Variants in GIMD1 observed in about 807,000 individuals in gnomAD.
GIMD1 encodes the protein GTPase IMAP family member GIMD1.
A neutral mutation model predicts 14.9 loss-of-function variants in GIMD1; 14 were observed. The ratio of observed to expected loss-of-function variants is 0.94; its 90% confidence interval spans 0.62 to 1.47. The LOEUF (loss-of-function observed/expected upper bound fraction) is 1.47, where lower values mean the gene tolerates loss of function less well. GIMD1 is among the 40% of genes most tolerant of loss of function. GIMD1 has a pLI of 0.00. For synonymous variants in GIMD1, 91 were observed against 90.5 expected, an observed-to-expected ratio of 1.01 and a Z score of -0.03; for missense variants, 272 against 255.3, an observed-to-expected ratio of 1.07 and a Z score of -0.44.
chr4:106,358,552 G>A (rs2125933344), intron 2 of GIMD1, 109 bp from the exon 3 acceptor site: 1 of 789,042 alleles, frequency 1.3e-6, no homozygotes, highest in Non-Finnish European at 1.9e-6. Context: ...ATATTATTAT[G>A]TTTCTGAAAG....
intron 2 of GIMD1, among the ~76,000 whole-genome samples, chr4:106,364,461 G>C (rs183317074): frequency 6.6e-6 from 1 of 152,294 alleles, no homozygotes; most frequent in East Asian, 1.9e-4. Context: ...TGCTGGTCCT[G>C]TTGAATATTC....
Position 106,367,215 on chromosome 4 carries a change from T to C in GIMD1, c.221A>G (p.Asp74Gly), listed in dbSNP as rs1041806939. The change falls in exon 2 of 3, where the codon GAC (aspartate) becomes GGC (glycine). Residue 74 changes from aspartate (D) to glycine (G), a missense_variant. By Grantham distance (94) the Asp-to-Gly change is moderately conservative. Coordinates refer to ENST00000638719, the MANE Select transcript of GIMD1 (RefSeq NM_001195138.2). The part of the protein sequence containing the change: ...LEVALQVQVL[D>G]TPGYPHSRLS... ...CCTGCTGTGTGGATAACCTGGAGTG[T>C]CCAACACCTGGACCTGCAGGGCTAC... is the stretch of plus-strand genomic sequence containing the variant. 9.8e-6 allele frequency: 15 copies of C among 1,535,732 alleles called. No individual in the cohort carries two copies. Among genetic ancestry groups the C allele is most frequent in the Non-Finnish European group, 1.1e-5 (13 of 1,146,718 alleles).
At chr4:106,364,069 T>C (rs1770656593) in intron 2 of GIMD1, among the ~76,000 whole-genome samples, 1 of 152,152 alleles carries the variant, frequency 6.6e-6, no homozygotes, top group South Asian at 2.1e-4. Context: ...CTTCTATTTC[T>C]TGATTTTGGG....
intron 2 of GIMD1, among the ~76,000 whole-genome samples, chr4:106,361,830 A>G (rs1018650603): frequency 1.3e-5 from 2 of 152,110 alleles, no homozygotes; most frequent in Non-Finnish European, 1.5e-5. Context: ...CAGTATTGCT[A>G]CAATAAATGT....
At position 106,360,846 on chromosome 4, in the gene GIMD1, T is replaced by C. The variant is rs574508813; in HGVS notation, c.394-2403A>G. On this transcript the variant is annotated intron_variant, in intron 2 of 2. Transcript: ENST00000638719. ...ACAGCTATCAGAAGGAGACAACCCT[T>C]ACAACACCTTCATTTCAGACTTCTA... Among the ~76,000 whole-genome samples, 4 of 152,180 alleles carry C rather than the reference T, an allele frequency of 2.6e-5. No homozygotes were observed. In the South Asian group the frequency reaches 8.3e-4, roughly 32 times the overall value.
chr4:106,367,266 C>A lies in GIMD1; in HGVS notation c.170G>T (p.Ser57Ile). The change falls in exon 2 of 3, where the codon AGC (serine) becomes ATC (isoleucine). Residue 57 changes from serine (S) to isoleucine (I), a missense_variant. Transcript: ENST00000638719. The stretch of plus-strand genomic sequence containing the variant: ...CTCTAGCCCACCTCGACGCATGAAG[C>A]TGTGGAGGTGACAACTGCGGCCCAG... Reference protein sequence around the residue: ...CSLGRSCHLHSFMRRGGLEVA... With the variant: ...CSLGRSCHLHIFMRRGGLEVA... 4 of 1,535,862 alleles carry A rather than the reference C, an allele frequency of 2.6e-6. No homozygotes were observed. The highest frequency in any genetic ancestry group is 3.5e-6 in the Non-Finnish European group (4 of 1,146,726).
In GIMD1 at chr4:106,368,746, G is replaced by A. The variant is rs73839465; in HGVS notation, c.-39C>T. ...TTGAAAATGCTTTCTCCACAAAGACGTCTCTCGCCCTGGCACAGTTGTTCT... is the reference window on the plus strand; with the variant it reads ...TTGAAAATGCTTTCTCCACAAAGACATCTCTCGCCCTGGCACAGTTGTTCT... On this transcript the variant is annotated 5_prime_UTR_variant, in exon 1 of 3. The change creates a new upstream start codon in the 5' untranslated region. Coordinates refer to ENST00000638719, the MANE Select transcript of GIMD1 (RefSeq NM_001195138.2). 7.5e-6 allele frequency: 3 copies of A among 398,418 alleles called. No homozygotes were observed. The highest frequency in any genetic ancestry group is 1.3e-4 in the South Asian group (1 of 7,860). 24.7% of individuals were successfully genotyped at this position (398,418 alleles called of 1,614,324 possible). A position where few individuals can be genotyped will look rare whatever the true frequency, so the allele number is the denominator to read the frequency against.
At chr4:106,364,137 A>G (rs1235372260) in intron 2 of GIMD1, among the ~76,000 whole-genome samples, 2 of 152,150 alleles carry the variant, frequency 1.3e-5, no homozygotes, top group Non-Finnish European at 2.9e-5. Context: ...GCCTAACAAA[A>G]AGAAAAAGGG....
chr4:106,366,052 C>T (rs1411219987), intron 2 of GIMD1, among the ~76,000 whole-genome samples: 2 of 152,014 alleles, frequency 1.3e-5, no homozygotes, highest in African/African-American at 2.4e-5. Flanking sequence ...TGTGAATAAG[C>T]CTCCAACTTA....
rs963582520 is a variant in GIMD1, at chr4:106,367,130, T to C, written c.306A>G (p.Gln102=). The C allele has an allele frequency of 6.5e-6, 10 of 1,535,602 alleles. No individual in the cohort carries two copies. The highest frequency in any genetic ancestry group is 7.0e-6 in the Non-Finnish European group (8 of 1,146,606). ...CCAGGAGTGCAAGGTGGAGACCCCC[T>C]TGCCCGAAGTGATGTGCCAGAGCCT... The part of the protein sequence containing the change: ...VKEALAHHFG[Q]GGLHLALLVQ... The change falls in exon 2 of 3, where the codon CAA becomes CAG. Residue 102 remains glutamine (Q), a synonymous_variant. Coordinates refer to ENST00000638719, the MANE Select transcript of GIMD1 (RefSeq NM_001195138.2).
At chr4:106,358,854 C>A (rs1193124536) in intron 2 of GIMD1, among the ~76,000 whole-genome samples, 1 of 87,398 alleles carries the variant, frequency 1.1e-5, no homozygotes, top group Non-Finnish European at 2.4e-5. Flanking sequence ...TTACTTTTAT[C>A]ATTATCATTA....
intron 2 of GIMD1, among the ~76,000 whole-genome samples, chr4:106,365,286 T>G (rs1033715955): frequency 6.6e-6 from 1 of 152,136 alleles, no homozygotes; most frequent in Non-Finnish European, 1.5e-5. Context: ...TCCTTACTTT[T>G]GTATAGCAGG....
intron 2 of GIMD1, among the ~76,000 whole-genome samples, chr4:106,365,695 T>TTTTCC (rs1770687218): frequency 6.6e-6 from 1 of 152,126 alleles, no homozygotes; most frequent in African/African-American, 2.4e-5. Context: ...TCTTGAGTAA[T>TTTTCC]ACTAGTGAAG....
In GIMD1 at chr4:106,357,643, T is replaced by A. The variant is rs1770549290; in HGVS notation, c.*540A>T. On this transcript the variant is annotated 3_prime_UTR_variant, in exon 3 of 3. Transcript: ENST00000638719. ...ATTTCCAGCACTTCTACCATCAGAG[T>A]AGTTTAGATTACATTTGTTTTACTG... 1 of 151,972 alleles carries A rather than the reference T, an allele frequency of 6.6e-6. No individual in the cohort carries two copies. Among genetic ancestry groups the A allele is most frequent in the Non-Finnish European group, 1.5e-5 (1 of 68,000 alleles). The allele number at this position is 151,972 out of a possible 1,614,324, so 9.4% of individuals were successfully genotyped here.
chr4:106,358,340 G>A lies in GIMD1; in HGVS notation c.497C>T (p.Ala166Val), dbSNP rs1425511068. The change falls in exon 3 of 3, where the codon GCC becomes GTC. Residue 166 changes from alanine (A) to valine (V), a missense_variant. Transcript: ENST00000638719. ...TAGCAGCGTTTTCAGGGTATCAGAG[G>A]CCTCATGTAAATATTTATCTTCAGT... is the stretch of plus-strand genomic sequence containing the variant. ...GLTEDKYLHE[A>V]SDTLKTLLNS... 13 of 1,533,862 alleles carry A rather than the reference G, an allele frequency of 8.5e-6. No homozygotes were observed. Among genetic ancestry groups the A allele is most frequent in the South Asian group, 3.6e-5 (3 of 83,912 alleles).
chr4:106,366,467 A>C (rs1770700577), intron 2 of GIMD1, among the ~76,000 whole-genome samples: 1 of 152,196 alleles, frequency 6.6e-6, no homozygotes, highest in Non-Finnish European at 1.5e-5. Context: ...TGACCAAGTC[A>C]GTGAATGAGC....
chr4:106,359,747 AAGG>A (rs1770587516), intron 2 of GIMD1, among the ~76,000 whole-genome samples: 1 of 151,782 alleles, frequency 6.6e-6, no homozygotes, highest in African/African-American at 2.4e-5. Flanking sequence ...AAAAGGAAGA[AAGG>A]AGAAAGGAAG....
chr4:106,361,365 G>A (rs936004670), intron 2 of GIMD1, among the ~76,000 whole-genome samples: 3 of 152,018 alleles, frequency 2.0e-5, no homozygotes, highest in Non-Finnish European at 4.4e-5. Context: ...TGCCCATTTT[G>A]GGGTGGAGGT....
chr4:106,366,651 T>C (rs1770703185), intron 2 of GIMD1, among the ~76,000 whole-genome samples: 1 of 152,160 alleles, frequency 6.6e-6, no homozygotes, highest in African/African-American at 2.4e-5. Context: ...ACGTTTTGGA[T>C]CAATCTTCTT....
Sources: gnomAD v4.1 joint callset for allele counts (sites outside exome capture counted in the v4.1 genomes callset) on GRCh38, gnomAD v4.1.1 for gene constraint, MANE v1.5 for transcripts, NCBI Gene and HGNC (gene_info 2026-07-23, HGNC 2026-07-21) for gene names.